The following SLC35F4 variants were observed in gnomAD, a reference collection of about 807,000 sequenced individuals.
SLC35F4 encodes the protein solute carrier family 35 member F4.
Under a neutral mutation model 44.2 loss-of-function variants are expected in SLC35F4, and 24 were observed. The ratio of observed to expected loss-of-function variants is 0.54; its 90% CI spans 0.39 to 0.76. SLC35F4 has a LOEUF of 0.76. Among genes scored for constraint, SLC35F4 ranks in the 30% least tolerant of loss-of-function variants. The pLI is 0.00. For missense variants in SLC35F4, 562 were observed against 586.1 expected (o/e 0.96, Z 0.42); for synonymous variants, 238 against 223.6 (o/e 1.06, Z -0.57).
At chr14:57,792,784 G>T (rs1200766199) in intron 1 of SLC35F4, among the ~76,000 whole-genome samples, 1 of 152,032 alleles carries the variant, frequency 6.6e-6, no homozygotes, top group East Asian at 1.9e-4. Flanking sequence ...GGGAAAGGTG[G>T]GAGGGGGGTG....
intron 1 of SLC35F4, among the ~76,000 whole-genome samples, chr14:57,804,466 G>T (rs1204462019): frequency 6.6e-6 from 1 of 151,944 alleles, no homozygotes; most frequent in Admixed American, 6.6e-5. Context: ...AAATAAGACC[G>T]CACACCTACA....
intron 1 of SLC35F4, among the ~76,000 whole-genome samples, chr14:57,979,451 C>T (rs1384075450): frequency 6.6e-6 from 1 of 152,174 alleles, no homozygotes; most frequent in Admixed American, 6.5e-5. Context: ...ACTGGTTCCA[C>T]ACAAGCCACT....
chr14:57,649,153 G>T (rs987808564), intron 1 of SLC35F4, among the ~76,000 whole-genome samples: 1 of 152,126 alleles, frequency 6.6e-6, no homozygotes, highest in Non-Finnish European at 1.5e-5. Context: ...ATCACAGCTT[G>T]TGTCCCCATT....
Position 57,700,750 on chromosome 14 carries a change from A to C in SLC35F4, c.104-106626T>G, listed in dbSNP as rs116399053. 2.0e-3 allele frequency among the ~76,000 whole-genome samples: 305 copies of C among 152,064 alleles called. 2 individuals carry two copies. Among genetic ancestry groups the C allele is most frequent in the African/African-American group, 7.0e-3 (292 of 41,474 alleles). On this transcript the variant is annotated intron_variant, in intron 1 of 7. Transcript: ENST00000556826. Reference sequence around the variant, plus strand: ...AAAACTCCATCTCTACAAGAAATACAAAAATCTGACCAGGCATAGTGGTGT... The same window carrying C: ...AAAACTCCATCTCTACAAGAAATACCAAAATCTGACCAGGCATAGTGGTGT...
intron 1 of SLC35F4, among the ~76,000 whole-genome samples, chr14:57,796,451 A>G (rs1340489250): frequency 6.6e-6 from 1 of 152,228 alleles, no homozygotes; most frequent in African/African-American, 2.4e-5. Flanking sequence ...ATTTGTATAC[A>G]ATCTTTTTAT....
chr14:57,687,349 T>C (rs1337060320), intron 1 of SLC35F4, among the ~76,000 whole-genome samples: 1 of 152,182 alleles, frequency 6.6e-6, no homozygotes, highest in Non-Finnish European at 1.5e-5. Flanking sequence ...AGAGCATCTT[T>C]TTGCTCTGTA....
intron 1 of SLC35F4, among the ~76,000 whole-genome samples, chr14:57,711,671 T>C (rs983328022): frequency 6.6e-6 from 1 of 152,150 alleles, no homozygotes; most frequent in Non-Finnish European, 1.5e-5. Context: ...TCACAGTCAA[T>C]AATGAACCAC....
At chr14:57,747,006 G>A (rs1475819509) in intron 1 of SLC35F4, among the ~76,000 whole-genome samples, 1 of 152,140 alleles carries the variant, frequency 6.6e-6, no homozygotes, top group African/African-American at 2.4e-5. Flanking sequence ...AAGTTTTTGA[G>A]ATAGTTCACT....
At chr14:57,611,655 T>C (rs961994325) in intron 1 of SLC35F4, among the ~76,000 whole-genome samples, 1 of 151,484 alleles carries the variant, frequency 6.6e-6, no homozygotes, top group African/African-American at 2.4e-5. Flanking sequence ...ACAAGGAGAT[T>C]GAAAGTGAAA....
intron 1 of SLC35F4, among the ~76,000 whole-genome samples, chr14:57,620,438 C>A (rs1277435140): frequency 6.6e-6 from 1 of 152,148 alleles, no homozygotes; most frequent in Non-Finnish European, 1.5e-5. Context: ...TCCAGCCAAA[C>A]TAAGCTTCAT....
At chr14:57,766,938 A>C (rs2077249176) in intron 1 of SLC35F4, among the ~76,000 whole-genome samples, 1 of 152,240 alleles carries the variant, frequency 6.6e-6, no homozygotes, top group Admixed American at 6.5e-5. Flanking sequence ...ATTCACTTCG[A>C]ATTCTACAAA....
intron 1 of SLC35F4, among the ~76,000 whole-genome samples, chr14:57,795,706 T>A (rs1595083426): frequency 1.3e-5 from 2 of 152,276 alleles, no homozygotes; most frequent in South Asian, 4.1e-4. Flanking sequence ...ATTAAATAAA[T>A]GAAAATGATA....
intron 1 of SLC35F4, among the ~76,000 whole-genome samples, chr14:57,890,715 A>G (rs1868559273): frequency 6.6e-6 from 1 of 152,204 alleles, no homozygotes; most frequent in Non-Finnish European, 1.5e-5. Context: ...AAAATTGAGA[A>G]GATTTAGAAT....
chr14:57,734,733 C>T (rs1402559487), intron 1 of SLC35F4, among the ~76,000 whole-genome samples: 1 of 152,114 alleles, frequency 6.6e-6, no homozygotes, highest in Non-Finnish European at 1.5e-5. Flanking sequence ...TAGAAGCCTA[C>T]TCTATTAAAT....
chr14:57,926,440 CTT>C (rs375517672), intron 1 of SLC35F4, among the ~76,000 whole-genome samples: 50 of 152,306 alleles, frequency 3.3e-4, no homozygotes, highest in Non-Finnish European at 5.9e-4. Context: ...TTCACACAGA[CTT>C]TTCCCACTTC....
intron 1 of SLC35F4, among the ~76,000 whole-genome samples, chr14:57,943,034 A>C (rs964172179): frequency 4.6e-5 from 7 of 152,176 alleles, no homozygotes; most frequent in Non-Finnish European, 2.9e-5. Context: ...TCTTACACCA[A>C]TGCTTCCAAT....
intron 1 of SLC35F4, among the ~76,000 whole-genome samples, chr14:57,893,146 C>T (rs72624739): frequency 1.3e-5 from 2 of 152,052 alleles, no homozygotes; most frequent in African/African-American, 4.8e-5. Flanking sequence ...GGAAGGCCAA[C>T]AGGGAGAAAA....
chr14:57,733,267 C>T (rs985518490), intron 1 of SLC35F4, among the ~76,000 whole-genome samples: 12 of 150,468 alleles, frequency 8.0e-5, no homozygotes, highest in East Asian at 1.9e-4. Flanking sequence ...GACAGAAATT[C>T]GACTATGGAT....
intron 1 of SLC35F4, among the ~76,000 whole-genome samples, chr14:57,923,484 G>A (rs1411370379): frequency 2.0e-5 from 3 of 152,140 alleles, no homozygotes; most frequent in Non-Finnish European, 4.4e-5. Flanking sequence ...CCTAGCTCCT[G>A]GAAATACAGA....
Sources: allele counts gnomAD v4.1 joint callset (sites outside exome capture counted in the v4.1 genomes callset), GRCh38; gene constraint gnomAD v4.1.1; transcripts MANE v1.5; gene names NCBI Gene and HGNC (gene_info 2026-07-23, HGNC 2026-07-21).